The following ATF7IP2 variants were observed in gnomAD, a reference collection of about 807,000 sequenced individuals.
The protein encoded by ATF7IP2 is activating transcription factor 7-interacting protein 2.
In ATF7IP2, 42 loss-of-function variants were observed where a neutral mutation model predicts 64.2. The observed-to-expected ratio is 0.65, with a 90% CI of 0.51 to 0.85. ATF7IP2 has a LOEUF of 0.85. Among genes scored for constraint, ATF7IP2 ranks in the 40% least tolerant of loss-of-function variants. ATF7IP2 has a pLI of 0.00. For missense variants in ATF7IP2, 933 were observed against 784.2 expected, an observed-to-expected ratio of 1.19 and a Z score of -2.27; for synonymous variants, 308 against 272.8, an observed-to-expected ratio of 1.13 and a Z score of -1.27.
chr16:10,440,698 C>T (rs531754815), intron 8 of ATF7IP2, among the ~76,000 whole-genome samples: 1 of 152,238 alleles, frequency 6.6e-6, no homozygotes, highest in South Asian at 2.1e-4. Flanking sequence ...GATTGGCTTC[C>T]CCCACCCCCA....
chr16:10,424,268 C>T (rs2141850839), intron 3 of ATF7IP2, among the ~76,000 whole-genome samples: 1 of 152,308 alleles, frequency 6.6e-6, no homozygotes, highest in South Asian at 2.1e-4. Context: ...TGTCACACTG[C>T]TGCAGAGATT....
chr16:10,442,816 T>C lies in ATF7IP2; in HGVS notation c.1194+2354T>C, dbSNP rs77332457. Among the ~76,000 whole-genome samples the C allele has an allele frequency of 1.1e-4, 16 of 152,364 alleles. No homozygotes were observed. The East Asian group carries it at 2.7e-3, about 26-fold the overall frequency. Reference sequence around the variant, plus strand: ...CTCAGCTGTTCCTTTAATGGCATCCTTAGTATAACTGACAAATTGTTGTTG... The same window carrying C: ...CTCAGCTGTTCCTTTAATGGCATCCCTAGTATAACTGACAAATTGTTGTTG... On this transcript the variant is annotated intron_variant, in intron 8 of 13. Transcript: ENST00000562102.
At chr16:10,435,205 C>G (rs1331995595) in intron 6 of ATF7IP2, among the ~76,000 whole-genome samples, 1 of 152,226 alleles carries the variant, frequency 6.6e-6, no homozygotes, top group African/African-American at 2.4e-5. Flanking sequence ...ATAGCCCTCC[C>G]CGTCATTCTG....
chr16:10,419,555 G>T (rs1201607892), intron 2 of ATF7IP2, 26 bp from the exon 3 acceptor site: 1 of 153,192 alleles, frequency 6.5e-6, no homozygotes, highest in African/African-American at 2.4e-5. Context: ...ATTACTCATT[G>T]TGATTGGTTG....
chr16:10,454,693 C>T (rs1596560378), intron 8 of ATF7IP2, among the ~76,000 whole-genome samples: 1 of 152,208 alleles, frequency 6.6e-6, no homozygotes, highest in East Asian at 1.9e-4. Context: ...GAATTTCCTT[C>T]TAAGTATCAC....
At chr16:10,420,401 G>A (rs2047968238) in intron 3 of ATF7IP2, among the ~76,000 whole-genome samples, 1 of 152,192 alleles carries the variant, frequency 6.6e-6, no homozygotes, top group African/African-American at 2.4e-5. Context: ...TAATCTGCGA[G>A]GATTAACTCC....
chr16:10,422,441 CATT>C (rs2048004554), intron 3 of ATF7IP2, among the ~76,000 whole-genome samples: 1 of 152,180 alleles, frequency 6.6e-6, no homozygotes, highest in Non-Finnish European at 1.5e-5. Context: ...TTGTTCTCCT[CATT>C]GTTGTAATAA....
chr16:10,422,339 A>C (rs932984497), intron 3 of ATF7IP2, among the ~76,000 whole-genome samples: 6 of 152,300 alleles, frequency 3.9e-5, no homozygotes, highest in Middle Eastern at 3.4e-3. Context: ...CAAACTTTGC[A>C]AATTTTTTCC....
chr16:10,400,262 A>C (rs925126588), intron 1 of ATF7IP2, among the ~76,000 whole-genome samples: 3 of 152,168 alleles, frequency 2.0e-5, no homozygotes, highest in African/African-American at 7.2e-5. Context: ...GCTGGTCTTG[A>C]ACTCCTGACC....
chr16:10,451,724 C>T (rs1385619536), intron 8 of ATF7IP2, among the ~76,000 whole-genome samples: 1 of 151,908 alleles, frequency 6.6e-6, no homozygotes, highest in South Asian at 2.1e-4. Context: ...ATTTATCTAA[C>T]CTTTTTTCAA....
At chr16:10,393,635 A>G (rs2047371197) in intron 1 of ATF7IP2, among the ~76,000 whole-genome samples, 1 of 152,178 alleles carries the variant, frequency 6.6e-6, no homozygotes, top group African/African-American at 2.4e-5. Context: ...TTTTGCTATG[A>G]TGCTCGGTAG....
chr16:10,388,469 T>G (rs563867334), intron 1 of ATF7IP2, among the ~76,000 whole-genome samples: 1 of 152,332 alleles, frequency 6.6e-6, no homozygotes, highest in East Asian at 1.9e-4. Flanking sequence ...GTTTCATTAG[T>G]ATACCTCTGA....
At chr16:10,458,955 G>A (rs1055779628) in intron 9 of ATF7IP2, among the ~76,000 whole-genome samples, 2 of 152,152 alleles carry the variant, frequency 1.3e-5, no homozygotes, top group African/African-American at 4.8e-5. Flanking sequence ...GGAGGCTGAG[G>A]CAGGTGGATC....
At position 10,397,372 on chromosome 16, in the gene ATF7IP2, C is replaced by T. The variant is rs563236144; in HGVS notation, c.-242+11250C>T. 6.0e-4 allele frequency among the ~76,000 whole-genome samples: 91 copies of T among 152,218 alleles called. 2 individuals are homozygous for T. Among genetic ancestry groups the T allele is most frequent in the Non-Finnish European group, 4.1e-4 (28 of 68,018 alleles). ...TTGTATTTTTGATTTCTATGAAAAG[C>T]GTCATTGGAATTGTTATAGGGATTG... On this transcript the variant is annotated intron_variant, in intron 1 of 13. Coordinates refer to ENST00000562102, the MANE Select transcript of ATF7IP2 (RefSeq NM_001393719.1).
At chr16:10,426,844 G>A (rs2048095321) in intron 3 of ATF7IP2, among the ~76,000 whole-genome samples, 2 of 151,768 alleles carry the variant, frequency 1.3e-5, no homozygotes, top group African/African-American at 4.8e-5. Context: ...TTTGGTTTTT[G>A]GTTTTTTTTT....
At chr16:10,441,341 A>G (rs1356719295) in intron 8 of ATF7IP2, among the ~76,000 whole-genome samples, 3 of 152,192 alleles carry the variant, frequency 2.0e-5, no homozygotes, top group Non-Finnish European at 4.4e-5. Context: ...GTCTTCCACA[A>G]TGGTTGAACT....
At chr16:10,459,345 G>A (rs2049292967) in intron 9 of ATF7IP2, among the ~76,000 whole-genome samples, 1 of 152,094 alleles carries the variant, frequency 6.6e-6, no homozygotes, top group Admixed American at 6.5e-5. Flanking sequence ...GCGGGTGCCT[G>A]TACTCCCAGC....
intron 10 of ATF7IP2, among the ~76,000 whole-genome samples, chr16:10,472,683 C>T (rs908153036): frequency 2.0e-5 from 3 of 151,878 alleles, no homozygotes; most frequent in African/African-American, 7.3e-5. Flanking sequence ...AAATGAAACC[C>T]CATCTGTATT....
intron 1 of ATF7IP2, among the ~76,000 whole-genome samples, chr16:10,402,211 G>A (rs188672110): frequency 1.3e-4 from 20 of 152,230 alleles, no homozygotes; most frequent in South Asian, 6.2e-4. Context: ...TGATGGAGAC[G>A]TTGAATGCCA....
Sources: allele counts gnomAD v4.1 joint callset (sites outside exome capture counted in the v4.1 genomes callset), GRCh38; gene constraint gnomAD v4.1.1; transcripts MANE v1.5; gene names NCBI Gene and HGNC (gene_info 2026-07-23, HGNC 2026-07-21).